NAA60: variants seen among roughly 807,000 people sequenced by gnomAD.
NAA60 encodes the protein N-alpha-acetyltransferase 60.
NAA60 carries 8 observed loss-of-function variants against 26.1 expected under a neutral mutation model. That is an observed-to-expected ratio of 0.31 (90% confidence interval 0.18 to 0.55). The LOEUF is 0.55. Among genes scored for constraint, NAA60 ranks in the 20% least tolerant of loss-of-function variants. The pLI is 0.93. For synonymous variants in NAA60, 131 were observed against 122.5 expected (o/e 1.07, Z -0.46); for missense variants, 290 against 311.3 (o/e 0.93, Z 0.51).
At chr16:3,482,800 C>A in intron 5 of NAA60, 1 of 607,720 alleles carries the variant, frequency 1.6e-6, no homozygotes. Flanking sequence ...CCACCTTCAG[C>A]CATCCTCTTT....
chr16:3,476,757 C>T (rs1429914885), intron 3 of NAA60, among the ~76,000 whole-genome samples: 6 of 151,984 alleles, frequency 3.9e-5, no homozygotes, highest in Admixed American at 6.6e-5. Context: ...ATAGAGAAAT[C>T]TTTTTTACAA....
At chr16:3,448,338 A>G (rs554342735) in intron 1 of NAA60, 133 bp from the exon 2 acceptor site, 1 of 603,840 alleles carries the variant, frequency 1.7e-6, no homozygotes, top group African/African-American at 1.9e-5. Flanking sequence ...TTAGATAGTT[A>G]ATTTTTCCCC....
intron 2 of NAA60, among the ~76,000 whole-genome samples, chr16:3,463,324 G>A (rs1280120927): frequency 6.6e-6 from 1 of 151,760 alleles, no homozygotes; most frequent in Non-Finnish European, 1.5e-5. Context: ...GAGGTAGGTG[G>A]ATCACTTGAG....
chr16:3,458,269 A>G (rs557188650), intron 2 of NAA60: 6 of 854,440 alleles, frequency 7.0e-6, no homozygotes, highest in Non-Finnish European at 5.6e-6. Flanking sequence ...CGCCGGGGTC[A>G]GGGGGGCCAG....
intron 2 of NAA60, among the ~76,000 whole-genome samples, chr16:3,471,043 A>G (rs2036105573): frequency 6.6e-6 from 1 of 152,188 alleles, no homozygotes; most frequent in African/African-American, 2.4e-5. Context: ...AAATCCGCAG[A>G]TCGTTGTGTA....
intron 2 of NAA60, among the ~76,000 whole-genome samples, chr16:3,459,048 C>CT (rs770703617): frequency 3.9e-5 from 6 of 152,338 alleles, no homozygotes; most frequent in Non-Finnish European, 7.3e-5. Context: ...CTGCCAAGTC[C>CT]TTGAGGCGTA....
At position 3,484,997 on chromosome 16, in the gene NAA60, C is replaced by G; in HGVS notation, c.*142C>G. 6.6e-7 allele frequency: 1 copy of G among 1,525,378 alleles called. No individual in the cohort carries two copies. The highest frequency in any genetic ancestry group is 1.7e-4 in the Middle Eastern group (1 of 5,962). The allele number at this position is 1,525,378 out of a possible 1,614,324, so 94.5% of individuals were successfully genotyped here. A position where few individuals can be genotyped will look rare whatever the true frequency, so the allele number is the denominator to read the frequency against. On this transcript the variant is annotated 3_prime_UTR_variant, in exon 7 of 8. Transcript: ENST00000407558. Reference sequence around the variant, plus strand: ...CGTCGGCCTGCCCCAGCTGCAGGCCCGGTGCTACACGGGCTCGGGAACAGA... The same window carrying G: ...CGTCGGCCTGCCCCAGCTGCAGGCCGGGTGCTACACGGGCTCGGGAACAGA...
intron 2 of NAA60, chr16:3,467,820 G>T (rs556638854): frequency 6.6e-6 from 1 of 152,334 alleles, no homozygotes; most frequent in African/African-American, 2.4e-5. Flanking sequence ...AGTTGTTACC[G>T]ATGGAGGGTA....
chr16:3,466,388 A>AG (rs1240498686), intron 2 of NAA60, among the ~76,000 whole-genome samples: 4 of 152,218 alleles, frequency 2.6e-5, no homozygotes, highest in African/African-American at 9.6e-5. Flanking sequence ...GGAAGAAGCC[A>AG]GGGATGCTGA....
Position 3,483,427 on chromosome 16 carries a change from C to T in NAA60, c.402C>T (p.Ala134=), listed in dbSNP as rs763406276. The change falls in exon 6 of 8, where the codon GCC becomes GCT. Residue 134 remains alanine, a synonymous_variant. Transcript: ENST00000407558. The part of the protein sequence containing the change: ...ISTTAQDHCK[A]IYLHVLTTNN... ...CCACCGCCCAGGACCACTGCAAAGCCATTTACCTGCATGTCCTCACCACCA... is the reference window on the plus strand; with the variant it reads ...CCACCGCCCAGGACCACTGCAAAGCTATTTACCTGCATGTCCTCACCACCA... 1.2e-6 allele frequency: 2 copies of T among 1,613,936 alleles called. No individual in the cohort carries two copies. Among genetic ancestry groups the T allele is most frequent in the Admixed American group, 3.3e-5 (2 of 60,002 alleles).
At position 3,485,948 on chromosome 16, in the gene NAA60, G is replaced by A. The variant is rs2037126441; in HGVS notation, c.*688G>A. ...CTCAGCACCTTCCGTGCAGTTACCA[G>A]TGCCCTGGGAGGTCACACTGCCCGT... On this transcript the variant is annotated 3_prime_UTR_variant, in exon 8 of 8. Coordinates refer to ENST00000407558, the MANE Select transcript of NAA60 (RefSeq NM_001083601.3). 3 of 311,658 alleles carry A rather than the reference G, an allele frequency of 9.6e-6. No individual in the cohort carries two copies. The highest frequency in any genetic ancestry group is 5.2e-5 in the South Asian group (2 of 38,238). 19.3% of individuals were successfully genotyped at this position (311,658 alleles called of 1,614,324 possible).
intron 3 of NAA60, among the ~76,000 whole-genome samples, chr16:3,476,723 C>T (rs923950683): frequency 4.6e-5 from 7 of 151,834 alleles, no homozygotes; most frequent in Admixed American, 4.6e-4. Context: ...GAAAAAAAAA[C>T]CTGTCAAAGA....
chr16:3,473,868 G>A (rs931519617), intron 2 of NAA60, among the ~76,000 whole-genome samples: 4 of 151,710 alleles, frequency 2.6e-5, no homozygotes, highest in Non-Finnish European at 4.4e-5. Context: ...CTGAGTAGCC[G>A]GGATTATAGG....
chr16:3,472,513 A>C (rs1038181231), intron 2 of NAA60: 3 of 152,052 alleles, frequency 2.0e-5, no homozygotes, highest in African/African-American at 7.3e-5. Context: ...GCTCACTGCA[A>C]CCTCTGCCGC....
chr16:3,444,658 G>A (rs1195725988), intron 1 of NAA60, among the ~76,000 whole-genome samples: 1 of 152,174 alleles, frequency 6.6e-6, no homozygotes, highest in Admixed American at 6.5e-5. Flanking sequence ...ACAAGTAACA[G>A]AAAACCCACC....
intron 2 of NAA60, among the ~76,000 whole-genome samples, chr16:3,473,534 T>G (rs2150997287): frequency 6.6e-6 from 1 of 152,294 alleles, no homozygotes; most frequent in African/African-American, 2.4e-5. Flanking sequence ...GTGGGAATTT[T>G]GGGAGCTACA....
In NAA60 at chr16:3,482,618, C is replaced by T. The variant is rs370414548; in HGVS notation, c.337+20C>T. 1.2e-5 allele frequency: 18 copies of T among 1,552,980 alleles called. No homozygotes were observed. The highest frequency in any genetic ancestry group is 2.4e-5 in the South Asian group (2 of 84,942). The stretch of plus-strand genomic sequence containing the variant: ...GCATAGGTAAGGGCAGCCGGGCCCG[C>T]GGCTTGGCGCCCACCCCACCCCCTT... On this transcript the variant is annotated intron_variant, in intron 5 of 7. Coordinates refer to ENST00000407558, the MANE Select transcript of NAA60 (RefSeq NM_001083601.3).
intron 3 of NAA60, among the ~76,000 whole-genome samples, chr16:3,476,758 T>C (rs1002946351): frequency 6.6e-6 from 1 of 152,140 alleles, no homozygotes; most frequent in African/African-American, 2.4e-5. Flanking sequence ...TAGAGAAATC[T>C]TTTTTACAAG....
At position 3,476,372 on chromosome 16, in the gene NAA60, C is replaced by T. The variant is rs370751588; in HGVS notation, c.110+35C>T. ...GCGGATTGCAGGGTTGGGGAGAGCC[C>T]GTGAGCCTCAGGTGCAGAAGCTGGG... is the stretch of plus-strand genomic sequence containing the variant. On this transcript the variant is annotated intron_variant, in intron 3 of 7. Transcript: ENST00000407558. 68 of 1,571,148 alleles carry T rather than the reference C, an allele frequency of 4.3e-5. No homozygotes were observed. The South Asian group carries it at 5.4e-4, about 12-fold the overall frequency.
Sources: gnomAD v4.1 joint callset for allele counts (sites outside exome capture counted in the v4.1 genomes callset) on GRCh38, gnomAD v4.1.1 for gene constraint, MANE v1.5 for transcripts, NCBI Gene and HGNC (gene_info 2026-07-23, HGNC 2026-07-21) for gene names.